Variants in DOCK3 observed in about 807,000 individuals in gnomAD.
DOCK3 encodes dedicator of cytokinesis 3, also known as dedicator of cytokinesis protein 3.
A neutral mutation model predicts 265.6 loss-of-function variants in DOCK3; 60 were observed. The observed-to-expected ratio is 0.23, with a 90% confidence interval of 0.18 to 0.28. The LOEUF is 0.28. DOCK3 is among the 10% of genes least tolerant of loss of function. DOCK3 has a pLI of 1.00. For missense variants in DOCK3, 1,981 were observed against 2,594.3 expected, an observed-to-expected ratio of 0.76 and a Z score of 5.14; for synonymous variants, 881 against 938.0, an observed-to-expected ratio of 0.94 and a Z score of 1.11.
At chr3:51,260,428 A>G (rs1189636671) in intron 23 of DOCK3, 102 bp downstream of exon 23, 8 of 1,321,566 alleles carry the variant, frequency 6.1e-6, no homozygotes, top group African/African-American at 3.0e-5. Context: ...TGCCAGGATC[A>G]TGTGTGTTGG....
At chr3:51,104,310 C>A (rs1045196262) in intron 9 of DOCK3, among the ~76,000 whole-genome samples, 1 of 152,034 alleles carries the variant, frequency 6.6e-6, no homozygotes, top group Non-Finnish European at 1.5e-5. Flanking sequence ...CTGGCCTTGG[C>A]GAGGGAGTGG....
intron 5 of DOCK3, among the ~76,000 whole-genome samples, chr3:50,937,372 C>T (rs953609112): frequency 1.8e-4 from 26 of 147,950 alleles, no homozygotes; most frequent in African/African-American, 4.0e-4. Context: ...TTAAAACATT[C>T]GGCTGGGCAC....
intron 5 of DOCK3, among the ~76,000 whole-genome samples, chr3:51,002,290 T>G: frequency 6.6e-6 from 1 of 152,210 alleles, no homozygotes; most frequent in South Asian, 2.1e-4. Context: ...GTGTCTCGTT[T>G]TAAAATTAGT....
intron 3 of DOCK3, among the ~76,000 whole-genome samples, chr3:50,868,322 T>A (rs2047244396): frequency 6.6e-6 from 1 of 152,188 alleles, no homozygotes; most frequent in African/African-American, 2.4e-5. Context: ...TCCGCCCACC[T>A]CGGCCTTCCA....
At chr3:50,857,262 T>C (rs1461155055) in intron 3 of DOCK3, among the ~76,000 whole-genome samples, 2 of 152,186 alleles carry the variant, frequency 1.3e-5, no homozygotes, top group Admixed American at 1.3e-4. Flanking sequence ...AGCTCTTCTT[T>C]GTACATCTGT....
intron 12 of DOCK3, among the ~76,000 whole-genome samples, chr3:51,174,400 C>T (rs898273177): frequency 7.2e-5 from 11 of 152,072 alleles, no homozygotes; most frequent in Non-Finnish European, 1.5e-4. Context: ...ACGCAGGAGG[C>T]GAAGGTTGCA....
chr3:51,248,784 T>A (rs1193895591), intron 22 of DOCK3, among the ~76,000 whole-genome samples: 1 of 144,502 alleles, frequency 6.9e-6, no homozygotes, highest in African/African-American at 2.6e-5. Context: ...ATCTAGGAAG[T>A]GAGGAGCGTC....
Position 51,374,795 on chromosome 3 carries a change from G to C in DOCK3, c.5412+208G>C, listed in dbSNP as rs6777506. Among the ~76,000 whole-genome samples the C allele has an allele frequency of 0.011, 1,649 of 152,342 alleles. 43 individuals carry two copies. Among genetic ancestry groups the C allele is most frequent in the African/African-American group, 0.037 (1,518 of 41,574 alleles). ...ACAGAGTGTAGGCGTGAGTAGAATG[G>C]TGGCAGGAACCACCATTGGAACCAG... On this transcript the variant is annotated intron_variant, in intron 50 of 52. Coordinates refer to ENST00000266037, the MANE Select transcript of DOCK3 (RefSeq NM_004947.5). The surrounding 1 kb of genome is among the most constrained non-coding windows in gnomAD (Gnocchi z 4.8).
At chr3:50,679,462 T>C (rs1275819707) in intron 1 of DOCK3, among the ~76,000 whole-genome samples, 6 of 152,172 alleles carry the variant, frequency 3.9e-5, no homozygotes, top group Non-Finnish European at 8.8e-5. Context: ...TAACTTCCTT[T>C]TGGTTAGGTT....
intron 35 of DOCK3, among the ~76,000 whole-genome samples, chr3:51,337,522 ATCT>A (rs1177281473): frequency 6.6e-6 from 1 of 152,148 alleles, no homozygotes; most frequent in African/African-American, 2.4e-5. Flanking sequence ...AAGAAACTAG[ATCT>A]TCTCCATAGC....
intron 14 of DOCK3, among the ~76,000 whole-genome samples, chr3:51,218,298 G>A (rs1238254948): frequency 6.6e-6 from 1 of 152,018 alleles, no homozygotes; most frequent in African/African-American, 2.4e-5. Context: ...GCCGGGCATG[G>A]TGGCGTTCAC....
chr3:50,706,474 G>A (rs1400442559), intron 1 of DOCK3, among the ~76,000 whole-genome samples: 2 of 152,124 alleles, frequency 1.3e-5, no homozygotes, highest in Non-Finnish European at 2.9e-5. Context: ...GTCTGATGAA[G>A]TTTCCCTTAT....
At chr3:50,912,138 T>C (rs1344047944) in intron 4 of DOCK3, among the ~76,000 whole-genome samples, 2 of 152,128 alleles carry the variant, frequency 1.3e-5, no homozygotes, top group African/African-American at 4.8e-5. Flanking sequence ...ACTTCCTCCG[T>C]TCCACTTTAG....
intron 1 of DOCK3, among the ~76,000 whole-genome samples, chr3:50,752,529 AC>A (rs71637581): frequency 1.9e-3 from 9 of 4,770 alleles, no homozygotes; most frequent in Admixed American, 6.1e-3. Context: ...AAAAACAAAA[AC>A]AACTGGGAGG....
chr3:50,862,391 C>T (rs143390564), intron 3 of DOCK3, among the ~76,000 whole-genome samples: 1 of 152,310 alleles, frequency 6.6e-6, no homozygotes, highest in East Asian at 1.9e-4. Context: ...ACAGTTCAGG[C>T]CGAAATCCAG....
Position 51,202,322 on chromosome 3 carries a change from A to G in DOCK3, c.1038-6452A>G, listed in dbSNP as rs2088842996. Among the ~76,000 whole-genome samples the G allele has an allele frequency of 5.3e-5, 8 of 151,418 alleles. No individual in the cohort carries two copies. In the South Asian group the frequency reaches 1.3e-3, roughly 24 times the overall value. ...AAGAATCAAATAGATGCAATAAAAA[A>G]TGATAAAGGGGATATCACCACCGAT... On this transcript the variant is annotated intron_variant, in intron 12 of 52. Transcript: ENST00000266037.
intron 5 of DOCK3, among the ~76,000 whole-genome samples, chr3:51,028,612 T>G (rs1420200929): frequency 7.2e-5 from 11 of 152,196 alleles, no homozygotes; most frequent in Admixed American, 4.6e-4. Context: ...AGGTTTTGTT[T>G]TTTTAAATTG....
intron 9 of DOCK3, among the ~76,000 whole-genome samples, chr3:51,097,003 C>A (rs958195624): frequency 2.0e-5 from 3 of 152,198 alleles, no homozygotes; most frequent in African/African-American, 7.2e-5. Flanking sequence ...GGGCACCCAC[C>A]AGATGCCAGC....
chr3:50,786,790 G>A (rs2042206318), intron 2 of DOCK3: 2 of 740,408 alleles, frequency 2.7e-6, no homozygotes, highest in Admixed American at 1.7e-5. Context: ...TGAACTGTTT[G>A]TGCCCAACGT....
Sources: gnomAD v4.1 joint callset for allele counts (sites outside exome capture counted in the v4.1 genomes callset) on GRCh38, gnomAD v4.1.1 for gene constraint, Gnocchi (gnomAD v3.1) non-coding constraint, MANE v1.5 for transcripts, NCBI Gene and HGNC (gene_info 2026-07-23, HGNC 2026-07-21) for gene names.